WFDC11: variants seen among roughly 807,000 people sequenced by gnomAD.
The protein encoded by WFDC11 is WAP four-disulfide core domain 11.
WFDC11 carries 9 observed loss-of-function variants against 9.9 expected under a neutral mutation model. The observed-to-expected ratio is 0.91, with a 90% CI of 0.55 to 1.58. The LOEUF (loss-of-function observed/expected upper bound fraction) is 1.58. Ranked by LOEUF, WFDC11 falls within the 40% of genes most tolerant of loss-of-function variation. The pLI is 0.00. For missense variants in WFDC11, 106 were observed against 101.7 expected (o/e 1.04, Z -0.18); for synonymous variants, 32 against 33.3 (o/e 0.96, Z 0.13).
rs184877862 is a variant in WFDC11, at chr20:45,667,563, T to A, written c.-133-394A>T. Among the ~76,000 whole-genome samples the A allele has an allele frequency of 2.0e-5, 3 of 152,328 alleles. No homozygotes were observed. The East Asian group carries it at 5.8e-4, about 29-fold the overall frequency. On this transcript the variant is annotated intron_variant, in intron 1 of 4. Transcript: ENST00000324384. Reference sequence around the variant, plus strand: ...TTGCTAGCATCAGCCTAACACCACCTTATCAGCAATCTCTTGTGACTTTTG... The same window carrying A: ...TTGCTAGCATCAGCCTAACACCACCATATCAGCAATCTCTTGTGACTTTTG...
At chr20:45,661,675 A>G (rs1047356715) in intron 2 of WFDC11, among the ~76,000 whole-genome samples, 15 of 152,144 alleles carry the variant, frequency 9.9e-5, no homozygotes, top group Admixed American at 9.8e-4. Context: ...TAAATAGGGA[A>G]TCCTTTCCCC....
chr20:45,666,495 A>G (rs11696685), intron 2 of WFDC11, among the ~76,000 whole-genome samples: 23,170 of 152,088 alleles, frequency 0.15, 2,016 homozygotes, highest in East Asian at 0.32. Context: ...AAATCACCCA[A>G]TCTTCTGCAT....
chr20:45,655,864 T>C (rs1453425509), intron 2 of WFDC11, among the ~76,000 whole-genome samples: 2 of 152,182 alleles, frequency 1.3e-5, no homozygotes, highest in East Asian at 3.9e-4. Context: ...TACCGAGGAA[T>C]CCAACTTACA....
chr20:45,649,535 A>T (rs994384308), intron 3 of WFDC11, 136 bp from the exon 4 acceptor site: 2 of 1,109,236 alleles, frequency 1.8e-6, no homozygotes, highest in Non-Finnish European at 2.6e-6. Flanking sequence ...TTTGCCTTTT[A>T]AGGGAATTGC....
chr20:45,663,066 G>C (rs537876000), intron 2 of WFDC11, among the ~76,000 whole-genome samples: 2 of 152,120 alleles, frequency 1.3e-5, no homozygotes, highest in East Asian at 3.9e-4. Flanking sequence ...TTTTTTGGTT[G>C]GTAGGCTATT....
chr20:45,652,005 G>A (rs981435906), intron 2 of WFDC11, among the ~76,000 whole-genome samples: 1 of 152,206 alleles, frequency 6.6e-6, no homozygotes, highest in Non-Finnish European at 1.5e-5. Context: ...CTCCACCTCT[G>A]GGGGAGGGCA....
intron 1 of WFDC11, among the ~76,000 whole-genome samples, chr20:45,667,556 C>A (rs1473716912): frequency 6.6e-6 from 1 of 152,212 alleles, no homozygotes; most frequent in Non-Finnish European, 1.5e-5. Flanking sequence ...ATCAGCCTAA[C>A]ACCACCTTAT....
Position 45,649,413 on chromosome 20 carries a change from G to A in WFDC11, c.101-14C>T, listed in dbSNP as rs1045185503. ...ACAATTCCTTCCCTGAAATTGAGAT[G>A]AGATGGTCAAAGGTTGATGGTATGT... On this transcript the variant is annotated splice_polypyrimidine_tract_variant and intron_variant, in intron 3 of 4. Transcript: ENST00000324384. The A allele has an allele frequency of 1.2e-6, 2 of 1,612,978 alleles. No homozygotes were observed. The highest frequency in any genetic ancestry group is 1.3e-5 in the African/African-American group (1 of 75,020).
At chr20:45,650,359 G>A (rs1982778907) in intron 3 of WFDC11, 142 bp downstream of exon 3, 1 of 639,326 alleles carries the variant, frequency 1.6e-6, no homozygotes, top group Admixed American at 2.8e-5. Flanking sequence ...GAATCTCTGT[G>A]CATACAAAAT....
chr20:45,654,637 C>G (rs979239043), intron 2 of WFDC11, among the ~76,000 whole-genome samples: 1 of 152,134 alleles, frequency 6.6e-6, no homozygotes, highest in African/African-American at 2.4e-5. Context: ...ATCAATGAAT[C>G]CAGGAGCTGG....
At chr20:45,666,307 G>C (rs1983187152) in intron 2 of WFDC11, among the ~76,000 whole-genome samples, 1 of 152,224 alleles carries the variant, frequency 6.6e-6, no homozygotes, top group African/African-American at 2.4e-5. Flanking sequence ...GGAGTGTCCT[G>C]ATTTTCCAGG....
chr20:45,656,332 G>C (rs1982930893), intron 2 of WFDC11, among the ~76,000 whole-genome samples: 1 of 152,130 alleles, frequency 6.6e-6, no homozygotes, highest in Non-Finnish European at 1.5e-5. Context: ...ACAAGCAATG[G>C]GGAAAGGATT....
intron 2 of WFDC11, among the ~76,000 whole-genome samples, chr20:45,663,639 T>C (rs1044009234): frequency 1.3e-5 from 2 of 152,218 alleles, no homozygotes; most frequent in African/African-American, 4.8e-5. Context: ...TTTGTTCTGA[T>C]TGGTTTCAAA....
chr20:45,661,616 A>T (rs1442892086), intron 2 of WFDC11, among the ~76,000 whole-genome samples: 10 of 152,212 alleles, frequency 6.6e-5, no homozygotes, highest in Non-Finnish European at 1.3e-4. Flanking sequence ...GAAGGGATCC[A>T]GTTTCAGCTT....
chr20:45,659,550 G>A (rs1983010544), intron 2 of WFDC11, among the ~76,000 whole-genome samples: 1 of 152,112 alleles, frequency 6.6e-6, no homozygotes, highest in African/African-American at 2.4e-5. Context: ...CCTACTTTTT[G>A]ATGGGGTTGT....
intron 2 of WFDC11, among the ~76,000 whole-genome samples, chr20:45,651,384 TG>T (rs1982802388): frequency 6.6e-6 from 1 of 152,108 alleles, no homozygotes; most frequent in Non-Finnish European, 1.5e-5. Context: ...GGGTTTTTTT[TG>T]TTTTGTTTGT....
At chr20:45,658,627 AT>A (rs1982987014) in intron 2 of WFDC11, among the ~76,000 whole-genome samples, 2 of 151,620 alleles carry the variant, frequency 1.3e-5, no homozygotes, top group Admixed American at 6.6e-5. Context: ...TGGTATATCA[AT>A]TTTATTTATC....
Position 45,650,713 on chromosome 20 carries a change from A to G in WFDC11, c.-51-62T>C. 1.3e-5 allele frequency: 11 copies of G among 860,500 alleles called. No individual in the cohort carries two copies. In the South Asian group the frequency reaches 1.7e-4, roughly 13 times the overall value. The allele number at this position is 860,500 out of a possible 1,614,324, so 53.3% of individuals were successfully genotyped here. A position where few individuals can be genotyped will look rare whatever the true frequency, so the allele number is the denominator to read the frequency against. ...GTGAAGCAAGAGAAAGTGCTTGTCG[A>G]ATTTCTTCATTCTTTATCTTCTCAC... On this transcript the variant is annotated intron_variant, in intron 2 of 4. Transcript: ENST00000324384.
chr20:45,666,371 G>A (rs1324705510), intron 2 of WFDC11, among the ~76,000 whole-genome samples: 1 of 152,204 alleles, frequency 6.6e-6, no homozygotes, highest in Non-Finnish European at 1.5e-5. Flanking sequence ...CCAACCCCTT[G>A]CCCTTCCCAG....
Sources: gnomAD v4.1 joint callset for allele counts (sites outside exome capture counted in the v4.1 genomes callset) on GRCh38, gnomAD v4.1.1 for gene constraint, MANE v1.5 for transcripts, NCBI Gene and HGNC (gene_info 2026-07-23, HGNC 2026-07-21) for gene names.